Variants in NYAP2 observed in about 807,000 individuals in gnomAD.
NYAP2 encodes neuronal tyrosine-phosphorylated phosphoinositide-3-kinase adaptor 2.
In NYAP2, 23 loss-of-function variants were observed where a neutral mutation model predicts 50.4. The ratio of observed to expected loss-of-function variants is 0.46; its 90% CI spans 0.33 to 0.65. The LOEUF is 0.65. Ranked by LOEUF, NYAP2 falls within the 30% of genes least tolerant of loss-of-function variation. The pLI is 0.02. For synonymous variants in NYAP2, 394 were observed against 365.2 expected (o/e 1.08, Z -0.90); for missense variants, 885 against 861.0 (o/e 1.03, Z -0.35).
intron 4 of NYAP2, among the ~76,000 whole-genome samples, chr2:225,518,111 T>TACACATACACACACAAACACACAC (rs1690968041): frequency 6.6e-6 from 1 of 151,796 alleles, no homozygotes; most frequent in Non-Finnish European, 1.5e-5. Flanking sequence ...ATGTCATTCA[T>TACACATACACACACAAACACACAC]ACACATACAC....
intron 3 of NYAP2, among the ~76,000 whole-genome samples, chr2:225,415,106 G>GT (rs1695102511): frequency 1.3e-5 from 2 of 152,084 alleles, no homozygotes; most frequent in Admixed American, 1.3e-4. Context: ...GAATGTCTCT[G>GT]TTCCCTGTGG....
chr2:225,662,721 G>C, the NYAP2 span, among the ~76,000 whole-genome samples: 8 of 152,360 alleles, frequency 5.3e-5, no homozygotes, highest in African/African-American at 1.9e-4. Context: ...AAAGGTGTCA[G>C]GAGTAATCCT....
chr2:225,618,891 T>C (rs1004134037), intron 5 of NYAP2, among the ~76,000 whole-genome samples: 3 of 152,046 alleles, frequency 2.0e-5, no homozygotes, highest in Non-Finnish European at 4.4e-5. Flanking sequence ...AGAAGAAAAG[T>C]GAAGGCAAGA....
At chr2:225,587,426 A>T (rs1692406761) in intron 5 of NYAP2, among the ~76,000 whole-genome samples, 1 of 152,184 alleles carries the variant, frequency 6.6e-6, no homozygotes, top group African/African-American at 2.4e-5. Flanking sequence ...ACTAAGATAC[A>T]AAAGACATGC....
At chr2:225,442,727 C>T (rs1456597074) in intron 3 of NYAP2, among the ~76,000 whole-genome samples, 1 of 152,090 alleles carries the variant, frequency 6.6e-6, no homozygotes, top group East Asian at 1.9e-4. Flanking sequence ...AGGCACACAC[C>T]ACCACGCCCA....
At chr2:225,443,465 C>A (rs1224632535) in intron 3 of NYAP2, among the ~76,000 whole-genome samples, 1 of 152,118 alleles carries the variant, frequency 6.6e-6, no homozygotes, top group East Asian at 1.9e-4. Flanking sequence ...AAATGACATT[C>A]TAATGCTGAT....
chr2:225,526,588 G>A (rs1691156566), intron 4 of NYAP2, among the ~76,000 whole-genome samples: 1 of 152,150 alleles, frequency 6.6e-6, no homozygotes, highest in Non-Finnish European at 1.5e-5. Context: ...TCCTTCAAAT[G>A]GCTCAGCAAT....
intron 4 of NYAP2, among the ~76,000 whole-genome samples, chr2:225,552,522 T>C (rs1035618063): frequency 1.3e-5 from 2 of 152,012 alleles, no homozygotes. Context: ...ATAAATCAGA[T>C]TGGTGCTTTT....
chr2:225,658,716 G>A (rs1170532363), downstream of NYAP2, among the ~76,000 whole-genome samples: 1 of 152,160 alleles, frequency 6.6e-6, no homozygotes, highest in East Asian at 1.9e-4. Flanking sequence ...TTTAATTAAT[G>A]TCATATCTAA....
At chr2:225,398,293 A>G (rs572818261), upstream of NYAP2, among the ~76,000 whole-genome samples, 3 of 152,166 alleles carry the variant, frequency 2.0e-5, no homozygotes, top group African/African-American at 7.2e-5. Context: ...TTATCTTGGT[A>G]GTATTTTTCT....
At chr2:225,640,923 A>G (rs1048408369) in intron 6 of NYAP2, among the ~76,000 whole-genome samples, 3 of 152,228 alleles carry the variant, frequency 2.0e-5, no homozygotes, top group Non-Finnish European at 4.4e-5. Context: ...TTTCATTCTC[A>G]GTAGAGAAAT....
chr2:225,640,731 A>G (rs1693512642), intron 6 of NYAP2, among the ~76,000 whole-genome samples: 1 of 152,216 alleles, frequency 6.6e-6, no homozygotes. Context: ...CATAAGTTTC[A>G]TATTGTTAGA....
downstream of NYAP2, among the ~76,000 whole-genome samples, chr2:225,656,923 T>C (rs1337496965): frequency 1.3e-5 from 2 of 152,152 alleles, no homozygotes; most frequent in Non-Finnish European, 2.9e-5. Context: ...ATTTTGTTCC[T>C]GTTCTTCAGT....
chr2:225,559,349 C>CAA (rs11300399), intron 4 of NYAP2, among the ~76,000 whole-genome samples: 106 of 145,846 alleles, frequency 7.3e-4, no homozygotes, highest in African/African-American at 2.5e-3. Flanking sequence ...GTACAAATGC[C>CAA]AAAAAAAAAA....
At chr2:225,670,685 G>GT in the NYAP2 span, among the ~76,000 whole-genome samples, 2 of 150,142 alleles carry the variant, frequency 1.3e-5, no homozygotes, top group Non-Finnish European at 3.0e-5. Flanking sequence ...GTAATTCATT[G>GT]TTTATCATGT....
chr2:225,503,627 A>AT (rs1238227794), intron 3 of NYAP2, among the ~76,000 whole-genome samples: 1 of 152,172 alleles, frequency 6.6e-6, no homozygotes, highest in African/African-American at 2.4e-5. Context: ...CTTTATTATA[A>AT]TTAAGCATCA....
At chr2:225,653,075 G>T (rs967422353) in exon 7 of NYAP2, 1 of 152,140 alleles carries the variant, frequency 6.6e-6, no homozygotes, top group Non-Finnish European at 1.5e-5. Context: ...GTAAGACACT[G>T]AATAAAATAA....
chr2:225,561,152 G>A (rs534295599), intron 4 of NYAP2, among the ~76,000 whole-genome samples: 1 of 152,122 alleles, frequency 6.6e-6, no homozygotes, highest in South Asian at 2.1e-4. Flanking sequence ...GTGCTATGAA[G>A]ATAAATAAGT....
intron 3 of NYAP2, among the ~76,000 whole-genome samples, chr2:225,484,049 G>A (rs1333727037): frequency 6.6e-6 from 1 of 152,184 alleles, no homozygotes; most frequent in African/African-American, 2.4e-5. Context: ...AACTTAGTAA[G>A]ATTGTTTTCC....
Sources: allele counts gnomAD v4.1 joint callset (sites outside exome capture counted in the v4.1 genomes callset), GRCh38; gene constraint gnomAD v4.1.1; transcripts MANE v1.5; gene names NCBI Gene and HGNC (gene_info 2026-07-23, HGNC 2026-07-21).